Variants in AGAP3 observed in about 807,000 individuals in gnomAD.
The protein encoded by AGAP3 is arf-GAP with GTPase, ANK repeat and PH domain-containing protein 3.
AGAP3 carries 24 observed loss-of-function variants against 96.9 expected under a neutral mutation model. The ratio of observed to expected loss-of-function variants is 0.25; its 90% CI spans 0.18 to 0.35. The LOEUF (loss-of-function observed/expected upper bound fraction) is 0.35, where lower values mean the gene tolerates loss of function less well. Ranked by LOEUF, AGAP3 falls within the 10% of genes least tolerant of loss-of-function variation. AGAP3 has a pLI of 1.00. For missense variants in AGAP3, 876 were observed against 1,254.2 expected, an observed-to-expected ratio of 0.70 and a Z score of 4.55; for synonymous variants, 563 against 536.1, an observed-to-expected ratio of 1.05 and a Z score of -0.69.
chr7:151,143,659 A>T lies in AGAP3; in HGVS notation c.2529+63A>T. The T allele has an allele frequency of 6.2e-7, 1 of 1,604,708 alleles. No individual in the cohort carries two copies. Among genetic ancestry groups the T allele is most frequent in the Non-Finnish European group, 8.5e-7 (1 of 1,173,628 alleles). On this transcript the variant is annotated intron_variant, in intron 17 of 17. Coordinates refer to ENST00000397238, the MANE Select transcript of AGAP3 (RefSeq NM_031946.7). The surrounding 1 kb of genome is among the most constrained non-coding windows in gnomAD (Gnocchi z 5.9). ...TTCTTAGCCTTGTTCTTTGAAAGCA[A>T]CCTCTTCTTTCCTCCCCTACAACCA...
At chr7:151,112,107 G>A (rs1348928925) in intron 1 of AGAP3, 1 of 152,270 alleles carries the variant, frequency 6.6e-6, no homozygotes, top group Non-Finnish European at 1.5e-5. Flanking sequence ...TGTGCCTGCA[G>A]CTGTTCTCCT....
rs1472775580 is a variant in AGAP3 at position 151,123,418 on chromosome 7, C to T, written c.1129-376C>T. ...GCCGCAGACGGGCCATCTGCCCGCT[C>T]ACTTGTGGACTTTGCGCTCCCGGTT... On this transcript the variant is annotated intron_variant, in intron 8 of 17. Coordinates refer to ENST00000397238, the MANE Select transcript of AGAP3 (RefSeq NM_031946.7). The T allele has an allele frequency of 5.5e-6, 6 of 1,093,198 alleles. No homozygotes were observed. The East Asian group carries it at 4.1e-4, about 75-fold the overall frequency. 67.7% of individuals were successfully genotyped at this position (1,093,198 alleles called of 1,614,324 possible).
At chr7:151,125,905 C>T (rs1050601432) in intron 9 of AGAP3, among the ~76,000 whole-genome samples, 1 of 152,260 alleles carries the variant, frequency 6.6e-6, no homozygotes, top group Non-Finnish European at 1.5e-5. Flanking sequence ...TGCGCCGTTC[C>T]CATTCCGCCC....
Position 151,123,859 on chromosome 7 carries a change from G to A in AGAP3, c.1194G>A (p.Gly398=), listed in dbSNP as rs1247014555. The change falls in exon 9 of 18, where the codon GGG becomes GGA. Residue 398 remains glycine, a synonymous_variant. Transcript: ENST00000397238. The part of the protein sequence containing the change: ...KAAECKVDSI[G]SGRAIPIKQG... ...CCGAGTGCAAGGTGGACAGCATCGG[G>A]AGCGGCCGCGCCATCCCCATCAAGC... The A allele has an allele frequency of 1.2e-5, 19 of 1,610,578 alleles. No individual in the cohort carries two copies. Among genetic ancestry groups the A allele is most frequent in the Non-Finnish European group, 1.6e-5 (19 of 1,179,882 alleles).
At chr7:151,102,864 G>A (rs1046089393) in intron 1 of AGAP3, among the ~76,000 whole-genome samples, 6 of 152,030 alleles carry the variant, frequency 3.9e-5, no homozygotes, top group African/African-American at 1.5e-4. Context: ...AATCTCCCTC[G>A]GCCTCCCAAA....
chr7:151,128,543 G>T (rs1800274190), intron 9 of AGAP3, 37 bp from the exon 10 acceptor site: 5 of 1,585,062 alleles, frequency 3.2e-6, no homozygotes, highest in Non-Finnish European at 4.3e-6. Flanking sequence ...GACCTAGGGG[G>T]CTGGCTCCTG....
intron 1 of AGAP3, among the ~76,000 whole-genome samples, chr7:151,111,860 T>C (rs938293886): frequency 6.6e-6 from 1 of 152,174 alleles, no homozygotes; most frequent in Non-Finnish European, 1.5e-5. Context: ...GCGTTTCCGG[T>C]GGCCTTAATA....
At chr7:151,120,610 G>T (rs1240979619) in intron 8 of AGAP3, 1 of 1,294,636 alleles carries the variant, frequency 7.7e-7, no homozygotes, top group East Asian at 5.5e-5. Flanking sequence ...CCTCCCCGTC[G>T]CCTTCCGGCT....
At chr7:151,112,675 G>A (rs979156720) in intron 1 of AGAP3, among the ~76,000 whole-genome samples, 7 of 152,016 alleles carry the variant, frequency 4.6e-5, no homozygotes, top group East Asian at 3.9e-4. Flanking sequence ...CTTGGCTCAC[G>A]GCAACCTGGA....
At chr7:151,103,268 T>C (rs1798905630) in intron 1 of AGAP3, among the ~76,000 whole-genome samples, 2 of 152,372 alleles carry the variant, frequency 1.3e-5, no homozygotes, top group South Asian at 4.1e-4. Context: ...AGACAGGACC[T>C]GTACCCAGGA....
intron 1 of AGAP3, chr7:151,115,783 G>C: frequency 2.2e-6 from 1 of 449,114 alleles, no homozygotes; most frequent in Admixed American, 5.7e-5. Flanking sequence ...CGCGCCTGGC[G>C]TCTGGGGTCT....
intron 8 of AGAP3, chr7:151,122,957 C>T (rs1248547612): frequency 2.1e-6 from 3 of 1,436,470 alleles, no homozygotes; most frequent in African/African-American, 2.9e-5. Flanking sequence ...GCTAGGAGCG[C>T]CGGAGCCCGC....
At chr7:151,115,199 G>C (rs907014513) in intron 1 of AGAP3, 1 of 1,008,262 alleles carries the variant, frequency 9.9e-7, no homozygotes, top group African/African-American at 1.8e-5. Context: ...CCGAGGCGCC[G>C]GGCGCGGGTC....
intron 1 of AGAP3, among the ~76,000 whole-genome samples, chr7:151,089,422 G>T (rs1370932195): frequency 3.3e-5 from 5 of 152,022 alleles, no homozygotes; most frequent in Non-Finnish European, 4.4e-5. Context: ...CTGGGAGCCG[G>T]GTCCTGTGTT....
At chr7:151,115,460 C>A in intron 1 of AGAP3, 1 of 1,015,750 alleles carries the variant, frequency 9.8e-7, no homozygotes, top group Non-Finnish European at 1.2e-6. Context: ...CCTTCCCCAG[C>A]CGCCGCGACC....
At chr7:151,138,458 T>G (rs1162244357) in intron 12 of AGAP3, 145 bp downstream of exon 12, 2 of 954,058 alleles carry the variant, frequency 2.1e-6, no homozygotes, top group African/African-American at 3.3e-5. Context: ...CCTCCTGGGC[T>G]TGTCAGAGAG....
chr7:151,114,217 T>C lies in AGAP3; in HGVS notation c.332-2576T>C, dbSNP rs990470696. Reference sequence around the variant, plus strand: ...CCGAAACTAAGACAGGACCACCTCGTTGAAGCTCGCGTGCTGCAGACGAGG... The same window carrying C: ...CCGAAACTAAGACAGGACCACCTCGCTGAAGCTCGCGTGCTGCAGACGAGG... On this transcript the variant is annotated intron_variant, in intron 1 of 17. Transcript: ENST00000397238. This position sits in a 1 kb window ranked among gnomAD's most constrained non-coding sequence, Gnocchi z 4.4. Among the ~76,000 whole-genome samples, 3 of 152,242 alleles carry C rather than the reference T, an allele frequency of 2.0e-5. No individual in the cohort carries two copies. Among genetic ancestry groups the C allele is most frequent in the African/African-American group, 4.8e-5 (2 of 41,466 alleles).
At chr7:151,086,456 G>T (rs1279797601), upstream of AGAP3, among the ~76,000 whole-genome samples, 1 of 147,322 alleles carries the variant, frequency 6.8e-6, no homozygotes, top group African/African-American at 2.4e-5. Context: ...GGCCTGGGCC[G>T]CGCGCTCCCG....
chr7:151,136,668 C>CAAAGA (rs879751451), intron 11 of AGAP3: 1 of 151,656 alleles, frequency 6.6e-6, no homozygotes, highest in Admixed American at 6.6e-5. Flanking sequence ...GGAGAATTAA[C>CAAAGA]AAAGAAAAGG....
Sources: allele counts gnomAD v4.1 joint callset (sites outside exome capture counted in the v4.1 genomes callset), GRCh38; gene constraint gnomAD v4.1.1; non-coding constraint Gnocchi (gnomAD v3.1); transcripts MANE v1.5; gene names NCBI Gene and HGNC (gene_info 2026-07-23, HGNC 2026-07-21).